STPG2: variants seen among roughly 807,000 people sequenced by gnomAD.
STPG2 encodes sperm tail PG-rich repeat containing 2.
STPG2 carries 56 observed loss-of-function variants against 54.2 expected under a neutral mutation model. The observed-to-expected ratio is 1.03, with a 90% CI of 0.83 to 1.29. The LOEUF (loss-of-function observed/expected upper bound fraction) is 1.29, where lower values mean the gene tolerates loss of function less well. STPG2 is among the 50% of genes most tolerant of loss of function. STPG2 has a pLI of 0.00. For missense variants in STPG2, 596 were observed against 544.9 expected, an observed-to-expected ratio of 1.09 and a Z score of -0.93; for synonymous variants, 200 against 181.8, an observed-to-expected ratio of 1.10 and a Z score of -0.81.
chr4:98,082,275 A>G (rs563523338), intron 5 of STPG2, among the ~76,000 whole-genome samples: 1 of 152,008 alleles, frequency 6.6e-6, no homozygotes, highest in South Asian at 2.1e-4. Flanking sequence ...TAACCCCTAC[A>G]CAGAAGGAGC....
chr4:97,732,108 G>T (rs572561002), intron 9 of STPG2, among the ~76,000 whole-genome samples: 9 of 152,298 alleles, frequency 5.9e-5, no homozygotes, highest in Non-Finnish European at 1.3e-4. Flanking sequence ...GCAGTTAGTA[G>T]GGGCCAGAGC....
At chr4:97,959,457 A>G (rs1733806193) in intron 7 of STPG2, among the ~76,000 whole-genome samples, 2 of 152,122 alleles carry the variant, frequency 1.3e-5, no homozygotes, top group Non-Finnish European at 2.9e-5. Flanking sequence ...GGCCATTAGC[A>G]AGATTAACCA....
At chr4:97,504,037 ATTTATTTTTATTTAAATATTTTAT>A (rs1159237544) in intron 4 of STPG2, among the ~76,000 whole-genome samples, 36 of 144,628 alleles carry the variant, frequency 2.5e-4, no homozygotes, top group African/African-American at 8.7e-4. Flanking sequence ...TTTATTTTTA[ATTTATTTTTATTTAAATATTTTAT>A]TTTATTTTTA....
intron 5 of STPG2, among the ~76,000 whole-genome samples, chr4:98,049,425 G>A (rs1032405278): frequency 1.3e-5 from 2 of 152,168 alleles, no homozygotes; most frequent in South Asian, 4.1e-4. Context: ...ATCAAAGATT[G>A]CTTGGTTTAT....
chr4:97,553,069 G>C (rs1732001081), intron 4 of STPG2, among the ~76,000 whole-genome samples: 1 of 152,100 alleles, frequency 6.6e-6, no homozygotes, highest in Non-Finnish European at 1.5e-5. Flanking sequence ...AGATGGCAAT[G>C]TTCCTCTTTA....
chr4:97,747,012 CA>C (rs68176141), intron 9 of STPG2, among the ~76,000 whole-genome samples: 46,815 of 134,916 alleles, frequency 0.35, 7,710 homozygotes, highest in Non-Finnish European at 0.42. Flanking sequence ...TGTTTTTATA[CA>C]AAAAAAAAAA....
At chr4:97,937,545 C>A (rs1191504112) in intron 8 of STPG2, among the ~76,000 whole-genome samples, 1 of 152,076 alleles carries the variant, frequency 6.6e-6, no homozygotes, top group East Asian at 1.9e-4. Context: ...AGGCTGCTGA[C>A]CTTTGGATGA....
rs1380427515 is a variant in STPG2, at chr4:98,130,939, AC to A, written c.223-2348del. On this transcript the variant is annotated intron_variant, in intron 2 of 10. Transcript: ENST00000295268. ...TCCGTCTCAAAAAAAAAAAAAAAAA[AC>A]AAAAAAAAAACGACTTTCCAAAATA... 7.5e-3 allele frequency among the ~76,000 whole-genome samples: 946 copies of A among 126,118 alleles called. 71 individuals are homozygous for A. Among genetic ancestry groups the A allele is most frequent in the South Asian group, 0.014 (58 of 4,080 alleles). The allele number at this position is 126,118 out of a possible 152,430, so 82.7% of individuals were successfully genotyped here. A position where few individuals can be genotyped will look rare whatever the true frequency, so the allele number is the denominator to read the frequency against.
rs975180469 is a variant in STPG2 at position 97,678,539 on chromosome 4, C to T, written c.1320+34160G>A. Among the ~76,000 whole-genome samples the T allele has an allele frequency of 5.3e-5, 8 of 151,946 alleles. No individual in the cohort carries two copies. In the South Asian group the frequency reaches 6.2e-4, roughly 12 times the overall value. On this transcript the variant is annotated intron_variant, in intron 10 of 10. Coordinates refer to ENST00000295268, the MANE Select transcript of STPG2 (RefSeq NM_174952.3). ...CACCATACAGCCTAGATACTTTTTT[C>T]GTAACCCATAGTATCACAGGAATAG... is the stretch of plus-strand genomic sequence containing the variant.
intron 10 of STPG2, among the ~76,000 whole-genome samples, chr4:97,680,709 A>C (rs931904958): frequency 6.6e-6 from 1 of 152,038 alleles, no homozygotes; most frequent in Non-Finnish European, 1.5e-5. Flanking sequence ...CTCAGTTCTC[A>C]AATTCTCTGG....
chr4:98,102,083 T>C (rs1197878606), intron 5 of STPG2, among the ~76,000 whole-genome samples: 1 of 152,204 alleles, frequency 6.6e-6, no homozygotes, highest in Non-Finnish European at 1.5e-5. Context: ...CACCTGCAAC[T>C]ATTTTATTTA....
chr4:97,931,897 A>G (rs1451634744), intron 8 of STPG2, among the ~76,000 whole-genome samples: 2 of 151,816 alleles, frequency 1.3e-5, no homozygotes, highest in Non-Finnish European at 2.9e-5. Context: ...TTGGTAGGCT[A>G]TTTATTACTG....
rs572978593 is a variant in STPG2, at chr4:97,808,718, C to A, written c.1204+32055G>T. On this transcript the variant is annotated intron_variant, in intron 9 of 10. Coordinates refer to ENST00000295268, the MANE Select transcript of STPG2 (RefSeq NM_174952.3). ...AAACCAAAAAAAAAACCCACAGAAA[C>A]AACAAAAGCACAAGGATACAGAAAG... Among the ~76,000 whole-genome samples the A allele has an allele frequency of 4.5e-4, 62 of 137,016 alleles. 1 individual carries two copies. The highest frequency in any genetic ancestry group is 1.6e-3 in the African/African-American group (58 of 36,958). 89.9% of individuals were successfully genotyped at this position (137,016 alleles called of 152,430 possible). A position where few individuals can be genotyped will look rare whatever the true frequency, so the allele number is the denominator to read the frequency against.
chr4:98,072,570 TAATAAAATAAAATAAAATAA>T (rs10646385), intron 5 of STPG2, among the ~76,000 whole-genome samples: 31 of 145,002 alleles, frequency 2.1e-4, no homozygotes, highest in East Asian at 1.4e-3. Flanking sequence ...GAAGGGAAAA[TAATAAAATAAAATAAAATAA>T]AATAAAATAA....
chr4:97,473,982 T>G (rs1270934486), intron 4 of STPG2, among the ~76,000 whole-genome samples: 2 of 152,088 alleles, frequency 1.3e-5, no homozygotes, highest in East Asian at 3.9e-4. Context: ...TTTTGATCAC[T>G]GAAACTATTC....
At chr4:98,088,728 T>C (rs1738600694) in intron 5 of STPG2, among the ~76,000 whole-genome samples, 1 of 150,054 alleles carries the variant, frequency 6.7e-6, no homozygotes, top group Non-Finnish European at 1.5e-5. Context: ...CTGCCTTCCA[T>C]CTCAGGCAAG....
intron 3 of STPG2, 88 bp downstream of exon 3, chr4:98,128,340 C>T: frequency 1.6e-6 from 2 of 1,212,798 alleles, no homozygotes; most frequent in Non-Finnish European, 2.2e-6. Flanking sequence ...TCATTTTTTT[C>T]TTGGAGAAAT....
At chr4:97,675,137 G>A in intron 10 of STPG2, among the ~76,000 whole-genome samples, 1 of 152,102 alleles carries the variant, frequency 6.6e-6, no homozygotes, top group East Asian at 1.9e-4. Flanking sequence ...CCGAGTAGCT[G>A]GCATTACAGG....
At chr4:97,469,846 CA>C (rs1729878818) in intron 4 of STPG2, among the ~76,000 whole-genome samples, 1 of 151,554 alleles carries the variant, frequency 6.6e-6, no homozygotes, top group African/African-American at 2.4e-5. Flanking sequence ...ACATGTGTGC[CA>C]AAAAAAGGTT....
Sources: gnomAD v4.1 joint callset for allele counts (sites outside exome capture counted in the v4.1 genomes callset) on GRCh38, gnomAD v4.1.1 for gene constraint, MANE v1.5 for transcripts, NCBI Gene and HGNC (gene_info 2026-07-23, HGNC 2026-07-21) for gene names.